Variants in XDH observed in about 807,000 individuals in gnomAD.
XDH encodes the protein xanthine dehydrogenase.
XDH carries 138 observed loss-of-function variants against 156.1 expected under a neutral mutation model. That is an observed-to-expected ratio of 0.88 (90% confidence interval 0.77 to 1.02). The LOEUF is 1.02. Ranked by LOEUF, XDH falls within the 50% of genes least tolerant of loss-of-function variation. XDH has a pLI of 0.00. For synonymous variants in XDH, 669 were observed against 625.7 expected (o/e 1.07, Z -1.03); for missense variants, 1,849 against 1,684.9 (o/e 1.10, Z -1.71).
intron 1 of XDH, among the ~76,000 whole-genome samples, chr2:31,406,265 T>C (rs1345959601): frequency 1.3e-5 from 2 of 152,158 alleles, no homozygotes; most frequent in Non-Finnish European, 1.5e-5. Flanking sequence ...CCCCCTTCTC[T>C]CTCTCTCTTG....
chr2:31,344,217 T>C lies in XDH; in HGVS notation c.3404+467A>G, dbSNP rs370515203. Among the ~76,000 whole-genome samples the C allele has an allele frequency of 1.5e-4, 23 of 152,322 alleles. No individual in the cohort carries two copies. The South Asian group carries it at 4.8e-3, about 32-fold the overall frequency. ...TTCTGCATTTTGTAATAAGACCACG[T>C]GCTCTAAATCCTCCTCTCATTCTAT... is the stretch of plus-strand genomic sequence containing the variant. On this transcript the variant is annotated intron_variant, in intron 31 of 35. Coordinates refer to ENST00000379416, the MANE Select transcript of XDH (RefSeq NM_000379.4).
chr2:31,337,062 T>C (rs897338085), intron 35 of XDH, among the ~76,000 whole-genome samples: 15 of 151,882 alleles, frequency 9.9e-5, no homozygotes, highest in Non-Finnish European at 2.1e-4. Context: ...ACGGAATTCT[T>C]CTACTACTTT....
At chr2:31,370,954 G>T (rs759681257) in intron 17 of XDH, among the ~76,000 whole-genome samples, 1 of 152,188 alleles carries the variant, frequency 6.6e-6, no homozygotes, top group African/African-American at 2.4e-5. Flanking sequence ...ACTCTGGAGC[G>T]CTCTGGCTCA....
intron 35 of XDH, among the ~76,000 whole-genome samples, chr2:31,337,121 C>G (rs1347438559): frequency 6.6e-6 from 1 of 152,126 alleles, no homozygotes; most frequent in East Asian, 1.9e-4. Flanking sequence ...ATAATGGAAT[C>G]ATCTGGTTTC....
At chr2:31,377,321 G>T (rs997602493) in intron 13 of XDH, 84 bp from the exon 14 acceptor site, 4 of 1,487,346 alleles carry the variant, frequency 2.7e-6, no homozygotes, top group Non-Finnish European at 3.7e-6. Context: ...GGGCTATGAG[G>T]TGAGGTGAGG....
At chr2:31,347,972 C>T (rs916692770) in intron 28 of XDH, among the ~76,000 whole-genome samples, 2 of 152,326 alleles carry the variant, frequency 1.3e-5, no homozygotes, top group African/African-American at 2.4e-5. Context: ...CACTCCACTC[C>T]GAGGAGTCTT....
intron 7 of XDH, 131 bp from the exon 8 acceptor site, chr2:31,388,028 C>G: frequency 8.6e-7 from 1 of 1,166,758 alleles, no homozygotes; most frequent in African/African-American, 1.5e-5. Flanking sequence ...GCAGGTAATC[C>G]CTGGGAGGCA....
At chr2:31,350,903 G>A (rs45554434) in intron 24 of XDH, among the ~76,000 whole-genome samples, 7,652 of 151,678 alleles carry the variant, frequency 0.05, 307 homozygotes, top group African/African-American at 0.11. Context: ...ATGAAAAACA[G>A]TAGCCTCTTC....
intron 18 of XDH, among the ~76,000 whole-genome samples, chr2:31,368,911 G>T (rs1332266291): frequency 1.3e-5 from 2 of 152,164 alleles, no homozygotes; most frequent in Admixed American, 1.3e-4. Flanking sequence ...AGCTGAACCA[G>T]ATAGAATGTG....
rs1326098351 is a variant in XDH, at chr2:31,366,919, G to A, written c.2273C>T (p.Ala758Val). 6.2e-7 allele frequency: 1 copy of A among 1,614,206 alleles called. No homozygotes were observed. The highest frequency in any genetic ancestry group is 1.7e-5 in the Admixed American group (1 of 60,024). ...HCTIAVPKGE[A>V]GEMELFVSTQ... ...AGACACAAAGAGCTCCATCTCCCCTGCCTCGCCTTTTGGAACAGCAATGGT... is the reference window on the plus strand; with the variant it reads ...AGACACAAAGAGCTCCATCTCCCCTACCTCGCCTTTTGGAACAGCAATGGT... The change falls in exon 21 of 36, where the codon GCA becomes GTA. Residue 758 changes from alanine (A) to valine (V), a missense_variant. By Grantham distance (64) the Ala-to-Val change is moderately conservative. Coordinates refer to ENST00000379416, the MANE Select transcript of XDH (RefSeq NM_000379.4).
intron 1 of XDH, among the ~76,000 whole-genome samples, 159 bp downstream of exon 1, chr2:31,414,466 T>G (rs1329248661): frequency 6.6e-6 from 1 of 151,594 alleles, no homozygotes; most frequent in African/African-American, 2.4e-5. Flanking sequence ...TCTTCCCTAA[T>G]GTTACCAAAA....
In XDH at chr2:31,348,990, A is replaced by G. The variant is rs909076610; in HGVS notation, c.2970-10T>C. ...TTTCCAACAATTCTCCCTAGAGAAA[A>G]AGGAATATTCTTATAGAACCTTCGC... is the stretch of plus-strand genomic sequence containing the variant. On this transcript the variant is annotated splice_polypyrimidine_tract_variant and intron_variant, in intron 26 of 35. Transcript: ENST00000379416. 14 of 1,611,746 alleles carry G rather than the reference A, an allele frequency of 8.7e-6. No homozygotes were observed. Among genetic ancestry groups the G allele is most frequent in the Non-Finnish European group, 1.2e-5 (14 of 1,177,976 alleles).
At chr2:31,406,192 CTTAGTGCCATCCCCTTAG>C (rs1176454641) in intron 1 of XDH, among the ~76,000 whole-genome samples, 5 of 152,142 alleles carry the variant, frequency 3.3e-5, no homozygotes, top group Non-Finnish European at 7.4e-5. Flanking sequence ...TCATGAATGG[CTTAGTGCCATCCCCTTAG>C]TTGTGAATTA....
At chr2:31,354,221 T>G (rs1685566742) in intron 24 of XDH, among the ~76,000 whole-genome samples, 1 of 152,178 alleles carries the variant, frequency 6.6e-6, no homozygotes, top group African/African-American at 2.4e-5. Context: ...TACCTAGCAG[T>G]GATGAGGTGG....
In XDH at chr2:31,377,203, C is replaced by A. The variant is rs201283535; in HGVS notation, c.1277G>T (p.Arg426Leu). Residue 426 changes from arginine (R) to leucine (L), a missense_variant, in exon 14 of 36, where the codon CGG becomes CTG. Transcript: ENST00000379416. ...EYFSAFKQASRREDDIAKVTS... is the reference protein window; with the variant it reads ...EYFSAFKQASLREDDIAKVTS... ...TACCTTGGCAATGTCATCTTCTCTC[C>A]GGGAGGCCTGCTTGAATGCTGAGAA... 5.6e-6 allele frequency: 9 copies of A among 1,614,056 alleles called. No individual in the cohort carries two copies. Among genetic ancestry groups the A allele is most frequent in the Admixed American group, 1.7e-5 (1 of 60,018 alleles).
chr2:31,355,426 TA>T (rs1407976304), intron 24 of XDH, among the ~76,000 whole-genome samples: 2 of 152,026 alleles, frequency 1.3e-5, no homozygotes, highest in Non-Finnish European at 2.9e-5. Context: ...AAACAAAAAT[TA>T]AAACACTGTC....
At chr2:31,384,087 G>A (rs1163852479) in intron 9 of XDH, 5 of 492,970 alleles carry the variant, frequency 1.0e-5, no homozygotes, top group Non-Finnish European at 1.9e-5. Flanking sequence ...AAACCTACCT[G>A]AATTCAAATG....
intron 27 of XDH, 100 bp downstream of exon 27, chr2:31,348,799 T>C: frequency 9.3e-7 from 1 of 1,077,508 alleles, no homozygotes; most frequent in Non-Finnish European, 1.4e-6. Context: ...CAGTAAGCCC[T>C]GTTACCAGTG....
intron 24 of XDH, among the ~76,000 whole-genome samples, chr2:31,356,625 G>A (rs751981532): frequency 6.6e-5 from 10 of 152,194 alleles, no homozygotes; most frequent in Non-Finnish European, 1.2e-4. Flanking sequence ...AGCTTCCAGA[G>A]GATGTGCGGT....
Sources: gnomAD v4.1 joint callset for allele counts (sites outside exome capture counted in the v4.1 genomes callset) on GRCh38, gnomAD v4.1.1 for gene constraint, MANE v1.5 for transcripts, NCBI Gene and HGNC (gene_info 2026-07-23, HGNC 2026-07-21) for gene names.